DNA2: variants seen among roughly 807,000 people sequenced by gnomAD.
DNA2 encodes DNA replication helicase/nuclease 2.
In DNA2, 101 loss-of-function variants were observed where a neutral mutation model predicts 119.1. The observed-to-expected ratio is 0.85, with a 90% CI of 0.72 to 1.00. The LOEUF (loss-of-function observed/expected upper bound fraction) is 1.00. Among genes scored for constraint, DNA2 ranks in the 50% least tolerant of loss-of-function variants. The pLI is 0.00. For missense variants in DNA2, 1,121 were observed against 1,255.5 expected, an observed-to-expected ratio of 0.89 and a Z score of 1.62; for synonymous variants, 366 against 424.4, an observed-to-expected ratio of 0.86 and a Z score of 1.69.
At position 68,416,684 on chromosome 10, in the gene DNA2, A is replaced by T. The variant is rs765176750; in HGVS notation, c.3114+25T>A. 3.1e-6 allele frequency: 5 copies of T among 1,596,796 alleles called. No individual in the cohort carries two copies. In the Admixed American group the frequency reaches 8.3e-5, roughly 27 times the overall value. On this transcript the variant is annotated intron_variant, in intron 20 of 20. Transcript: ENST00000358410. ...ACTCACAACAGTGCAATCAAATGTGACCATATACAGAAGAAAAAGGATATT... is the reference window on the plus strand; with the variant it reads ...ACTCACAACAGTGCAATCAAATGTGTCCATATACAGAAGAAAAAGGATATT...
intron 20 of DNA2, among the ~76,000 whole-genome samples, 168 bp from the exon 21 acceptor site, chr10:68,415,275 C>CTT (rs549702509): frequency 9.4e-5 from 13 of 138,848 alleles, no homozygotes; most frequent in Non-Finnish European, 1.4e-4. Flanking sequence ...AGTTATTTAT[C>CTT]TTTTTTTTTT....
At chr10:68,440,252 C>T (rs1188461101) in intron 9 of DNA2, among the ~76,000 whole-genome samples, 1 of 151,980 alleles carries the variant, frequency 6.6e-6, no homozygotes, top group Non-Finnish European at 1.5e-5. Flanking sequence ...TGCAGTGGGT[C>T]AAGACACTCC....
chr10:68,431,894 C>T lies in DNA2; in HGVS notation c.1951G>A (p.Gly651Arg), dbSNP rs1305330263. ...KDYTLIVGMP[G>R]TGKTTTICTL... ...CATATCGTAGTTGTTTTTCCTGTCC[C>T]AGGCATACCCACGATGAGTGTGTAG... is the stretch of plus-strand genomic sequence containing the variant. Residue 651 changes from glycine to arginine, a missense_variant, in exon 13 of 21, where the codon GGG (glycine) becomes AGG (arginine). Physicochemically the swap from Gly to Arg is moderately radical, Grantham distance 125. Coordinates refer to ENST00000358410, the MANE Select transcript of DNA2 (RefSeq NM_001080449.3). The T allele has an allele frequency of 6.2e-7, 1 of 1,613,492 alleles. No individual in the cohort carries two copies. Among genetic ancestry groups the T allele is most frequent in the African/African-American group, 1.3e-5 (1 of 74,898 alleles).
chr10:68,443,035 G>C lies in DNA2; in HGVS notation c.1297C>G (p.Leu433Val), dbSNP rs1369185802. ...LPKIEEETQH[L>V]KQTHLEYFSL... ...AAATATTCTAAGTGTGTTTGCTTCAGATGCTGGGTTTCTTCTTCTATTTTG... is the reference window on the plus strand; with the variant it reads ...AAATATTCTAAGTGTGTTTGCTTCACATGCTGGGTTTCTTCTTCTATTTTG... Residue 433 changes from leucine (L) to valine (V), a missense_variant, in exon 9 of 21, where the codon CTG becomes GTG. Coordinates refer to ENST00000358410, the MANE Select transcript of DNA2 (RefSeq NM_001080449.3). 6.2e-7 allele frequency: 1 copy of C among 1,603,582 alleles called. No homozygotes were observed. Among genetic ancestry groups the C allele is most frequent in the South Asian group, 1.1e-5 (1 of 89,510 alleles).
In DNA2 at chr10:68,471,850, G is replaced by A. The variant is rs1341759578; in HGVS notation, c.15C>T (p.Asn5=). The A allele has an allele frequency of 6.2e-7, 1 of 1,613,744 alleles. No individual in the cohort carries two copies. Among genetic ancestry groups the A allele is most frequent in the South Asian group, 1.1e-5 (1 of 91,084 alleles). The change falls in exon 1 of 21, where the codon AAC becomes AAT. Residue 5 remains asparagine (N), a synonymous_variant. Coordinates refer to ENST00000358410, the MANE Select transcript of DNA2 (RefSeq NM_001080449.3). Reference sequence around the variant, plus strand: ...TCTTCTCCATCAGCAGCTCCAGTTCGTTCAGCTGCTCCATCCTGGACGCGG... The same window carrying A: ...TCTTCTCCATCAGCAGCTCCAGTTCATTCAGCTGCTCCATCCTGGACGCGG... MEQL[N]ELELLMEKSF... is the part of the protein sequence containing the mutation.
rs547501148 is a variant in DNA2, at chr10:68,422,614, A to G, written c.2403-10T>C. On this transcript the variant is annotated splice_polypyrimidine_tract_variant and intron_variant, in intron 15 of 20. Coordinates refer to ENST00000358410, the MANE Select transcript of DNA2 (RefSeq NM_001080449.3). The stretch of plus-strand genomic sequence containing the variant: ...ACTCATGCCAAGAGCTCTGTCAATA[A>G]ATCAGATTCATGTTTATCAGTGTAC... 6.2e-7 allele frequency: 1 copy of G among 1,613,830 alleles called. No individual in the cohort carries two copies. Among genetic ancestry groups the G allele is most frequent in the South Asian group, 1.1e-5 (1 of 91,074 alleles).
chr10:68,422,507 A>T lies in DNA2; in HGVS notation c.2492+8T>A. ...AAAACCACTCCTAGCTAACACTGTT[A>T]CAAATACCTGTTCATTCTGTACTGC... is the stretch of plus-strand genomic sequence containing the variant. On this transcript the variant is annotated splice_region_variant and intron_variant, in intron 16 of 20. Coordinates refer to ENST00000358410, the MANE Select transcript of DNA2 (RefSeq NM_001080449.3). The T allele has an allele frequency of 1.9e-6, 3 of 1,613,752 alleles. No homozygotes were observed. The highest frequency in any genetic ancestry group is 2.5e-6 in the Non-Finnish European group (3 of 1,179,658).
intron 7 of DNA2, among the ~76,000 whole-genome samples, chr10:68,445,364 G>A (rs1211443799): frequency 3.9e-5 from 6 of 152,108 alleles, no homozygotes; most frequent in Non-Finnish European, 5.9e-5. Context: ...TCAGGAGGCT[G>A]AGGCAGGAGA....
At chr10:68,419,614 G>A (rs1427752292) in intron 18 of DNA2, among the ~76,000 whole-genome samples, 189 bp downstream of exon 18, 1 of 152,086 alleles carries the variant, frequency 6.6e-6, no homozygotes, top group African/African-American at 2.4e-5. Context: ...TATCGTAAAT[G>A]AAAACTCCAA....
intron 4 of DNA2, among the ~76,000 whole-genome samples, chr10:68,464,289 G>A (rs1413926188): frequency 2.0e-5 from 3 of 151,902 alleles, no homozygotes; most frequent in Non-Finnish European, 2.9e-5. Flanking sequence ...AAGGTGGGTG[G>A]ATCACTTGAG....
At chr10:68,448,405 A>G (rs967481168) in intron 6 of DNA2, among the ~76,000 whole-genome samples, 2 of 152,206 alleles carry the variant, frequency 1.3e-5, no homozygotes, top group Non-Finnish European at 2.9e-5. Flanking sequence ...TCTAAAAAAA[A>G]CTTTCTTAAA....
chr10:68,415,781 GT>G (rs2133349456), intron 20 of DNA2, among the ~76,000 whole-genome samples: 1 of 152,196 alleles, frequency 6.6e-6, no homozygotes, highest in South Asian at 2.1e-4. Flanking sequence ...AGCATCATGA[GT>G]AGCTGGAACT....
chr10:68,416,540 G>T, intron 20 of DNA2, 169 bp downstream of exon 20: 1 of 602,594 alleles, frequency 1.7e-6, no homozygotes, highest in Non-Finnish European at 2.9e-6. Flanking sequence ...GGGGGCCGTG[G>T]CTCACATCTG....
intron 6 of DNA2, among the ~76,000 whole-genome samples, chr10:68,446,954 T>C (rs749499429): frequency 2.0e-5 from 3 of 152,098 alleles, no homozygotes; most frequent in Non-Finnish European, 4.4e-5. Context: ...AAAGTGACTA[T>C]AGTCAAAAAT....
intron 5 of DNA2, among the ~76,000 whole-genome samples, chr10:68,455,677 C>A (rs1324288519): frequency 6.6e-6 from 1 of 151,972 alleles, no homozygotes; most frequent in Non-Finnish European, 1.5e-5. Flanking sequence ...AAAAATTAGC[C>A]AGGCGTGGTG....
intron 10 of DNA2, among the ~76,000 whole-genome samples, chr10:68,435,201 G>A (rs7071076): frequency 1.3e-5 from 2 of 151,800 alleles, no homozygotes; most frequent in African/African-American, 4.8e-5. Flanking sequence ...CTAAAGACAT[G>A]CACCACCTCC....
intron 5 of DNA2, among the ~76,000 whole-genome samples, chr10:68,454,660 G>A (rs1156993409): frequency 6.6e-6 from 1 of 151,826 alleles, no homozygotes; most frequent in African/African-American, 2.4e-5. Flanking sequence ...GCAAAAATTA[G>A]CCAGGCATGG....
At chr10:68,422,663 C>A in intron 15 of DNA2, 34 bp downstream of exon 15, 1 of 1,613,292 alleles carries the variant, frequency 6.2e-7, no homozygotes, top group South Asian at 1.1e-5. Context: ...TGAAAATAAT[C>A]TAGTTTAAAA....
At chr10:68,429,239 G>C (rs182260197) in intron 14 of DNA2, among the ~76,000 whole-genome samples, 1 of 145,400 alleles carries the variant, frequency 6.9e-6, no homozygotes, top group Admixed American at 6.9e-5. Flanking sequence ...TTGGTGGAAG[G>C]TTCAATTAAA....
Sources: gnomAD v4.1 joint callset for allele counts (sites outside exome capture counted in the v4.1 genomes callset) on GRCh38, gnomAD v4.1.1 for gene constraint, MANE v1.5 for transcripts, NCBI Gene and HGNC (gene_info 2026-07-23, HGNC 2026-07-21) for gene names.